SV2B: variants seen among roughly 807,000 people sequenced by gnomAD.
SV2B encodes solute carrier family 22 member B2.
A neutral mutation model predicts 73.9 loss-of-function variants in SV2B; 41 were observed. The ratio of observed to expected loss-of-function variants is 0.56; its 90% confidence interval spans 0.43 to 0.72. The LOEUF is 0.72. Among genes scored for constraint, SV2B ranks in the 30% least tolerant of loss-of-function variants. SV2B has a pLI of 0.00. For synonymous variants in SV2B, 314 were observed against 314.2 expected (o/e 1.00, Z 0.01); for missense variants, 764 against 857.8 (o/e 0.89, Z 1.37).
In SV2B at chr15:91,252,592, C is replaced by A. The variant is rs940136505; in HGVS notation, c.784+72C>A. 3.0e-5 allele frequency: 44 copies of A among 1,474,154 alleles called. No homozygotes were observed. The highest frequency in any genetic ancestry group is 2.4e-4 in the Middle Eastern group (1 of 4,114). 91.3% of individuals were successfully genotyped at this position (1,474,154 alleles called of 1,614,324 possible). ...CCTGCACCCAAACAATAGTTCCTGT[C>A]CTCAGCCTTATTCCATGTACTCACG... On this transcript the variant is annotated intron_variant, in intron 4 of 12. Coordinates refer to ENST00000394232, the MANE Select transcript of SV2B (RefSeq NM_001323032.3). The surrounding 1 kb of genome is among the most constrained non-coding windows in gnomAD (Gnocchi z 4.6).
chr15:91,202,089 A>C (rs529835431), intron 1 of SV2B, among the ~76,000 whole-genome samples: 1 of 151,992 alleles, frequency 6.6e-6, no homozygotes, highest in Non-Finnish European at 1.5e-5. Flanking sequence ...TCTTTACTCA[A>C]ATGTCACCTA....
At position 91,122,408 on chromosome 15, in the gene SV2B, T is replaced by C. The variant is rs1003659753; in HGVS notation, c.-392+22045T>C. On this transcript the variant is annotated intron_variant, in intron 1 of 12. Coordinates refer to ENST00000394232, the MANE Select transcript of SV2B (RefSeq NM_001323032.3). The surrounding 1 kb of genome is among the most constrained non-coding windows in gnomAD (Gnocchi z 4.3). ...CAGGAATGGCTGGGGTTGATTTCCCTGTCTGAATAATTTTTAATGGCTCAG... is the reference window on the plus strand; with the variant it reads ...CAGGAATGGCTGGGGTTGATTTCCCCGTCTGAATAATTTTTAATGGCTCAG... Among the ~76,000 whole-genome samples, 6 of 152,212 alleles carry C rather than the reference T, an allele frequency of 3.9e-5. No individual in the cohort carries two copies. Among genetic ancestry groups the C allele is most frequent in the Admixed American group, 2.0e-4 (3 of 15,294 alleles).
intron 9 of SV2B, among the ~76,000 whole-genome samples, chr15:91,276,810 T>TATTATTATTATTATC (rs1476796126): frequency 1.3e-5 from 2 of 148,434 alleles, no homozygotes; most frequent in African/African-American, 4.9e-5. Context: ...TTGTTGTTAT[T>TATTATTATTATTATC]ATTATTATTA....
At chr15:91,193,240 C>T (rs2045111686) in intron 1 of SV2B, among the ~76,000 whole-genome samples, 1 of 152,092 alleles carries the variant, frequency 6.6e-6, no homozygotes, top group Non-Finnish European at 1.5e-5. Flanking sequence ...AGACGGCCTG[C>T]TTAGGGGATG....
At chr15:91,154,573 G>C (rs906464585) in intron 1 of SV2B, among the ~76,000 whole-genome samples, 2 of 152,142 alleles carry the variant, frequency 1.3e-5, no homozygotes, top group East Asian at 1.9e-4. Context: ...ATTTAGATAC[G>C]GGGTTTTTGC....
rs2048794547 is a variant in SV2B at position 91,284,515 on chromosome 15, T to C, written c.1708+294T>C. Among the ~76,000 whole-genome samples the C allele has an allele frequency of 6.6e-6, 1 of 152,204 alleles. No homozygotes were observed. The highest frequency in any genetic ancestry group is 2.4e-5 in the African/African-American group (1 of 41,448). ...AGCACTTCAATAAGGGTAGTAATAA[T>C]ATCCACCCTGCCTCTTCATCCGATT... On this transcript the variant is annotated intron_variant, in intron 11 of 12. Coordinates refer to ENST00000394232, the MANE Select transcript of SV2B (RefSeq NM_001323032.3). The surrounding 1 kb of genome is among the most constrained non-coding windows in gnomAD (Gnocchi z 4.5).
chr15:91,226,355 C>T lies in SV2B; in HGVS notation c.92C>T (p.Ala31Val). Residue 31 changes from alanine (A) to valine (V), a missense_variant, in exon 2 of 13, where the codon GCA (alanine) becomes GTA (valine). By Grantham distance (64) the Ala-to-Val change is moderately conservative. Transcript: ENST00000394232. ...RGNESNPEED[A>V]QSDVTEGHDE... Reference sequence around the variant, plus strand: ...AATGAGTCCAACCCAGAAGAAGATGCACAGAGTGATGTCACCGAAGGCCAT... The same window carrying T: ...AATGAGTCCAACCCAGAAGAAGATGTACAGAGTGATGTCACCGAAGGCCAT... 6.2e-7 allele frequency: 1 copy of T among 1,614,128 alleles called. No individual in the cohort carries two copies. Among genetic ancestry groups the T allele is most frequent in the Non-Finnish European group, 8.5e-7 (1 of 1,180,024 alleles).
At chr15:91,161,101 A>G (rs1455177650) in intron 1 of SV2B, among the ~76,000 whole-genome samples, 1 of 152,210 alleles carries the variant, frequency 6.6e-6, no homozygotes, top group Non-Finnish European at 1.5e-5. Flanking sequence ...AAGTTTCTAG[A>G]AAACACCAAA....
At chr15:91,120,425 A>G (rs1330708840) in intron 1 of SV2B, among the ~76,000 whole-genome samples, 1 of 152,162 alleles carries the variant, frequency 6.6e-6, no homozygotes, top group East Asian at 1.9e-4. Context: ...TCTCTCCCCC[A>G]ATATTTGGGA....
Position 91,294,080 on chromosome 15 carries a change from T to C in SV2B, c.*1528T>C, listed in dbSNP as rs926791866. ...TGCACCTGCCCAGGCCGGATGAACA[T>C]CAGCCTGCAAGAACTAGTTGTTTGA... On this transcript the variant is annotated 3_prime_UTR_variant, in exon 13 of 13. Transcript: ENST00000394232. This position sits in a 1 kb window ranked among gnomAD's most constrained non-coding sequence, Gnocchi z 4.1. 6 of 152,208 alleles carry C rather than the reference T, an allele frequency of 3.9e-5. No individual in the cohort carries two copies. Among genetic ancestry groups the C allele is most frequent in the African/African-American group, 2.4e-5 (1 of 41,454 alleles). 9.4% of individuals were successfully genotyped at this position (152,208 alleles called of 1,614,324 possible).
At chr15:91,228,891 C>CA (rs2046469532) in intron 2 of SV2B, among the ~76,000 whole-genome samples, 2 of 152,326 alleles carry the variant, frequency 1.3e-5, no homozygotes, top group Admixed American at 6.5e-5. Context: ...CACACGCTGT[C>CA]ACATGGAATC....
chr15:91,117,536 C>T (rs771086705), intron 1 of SV2B, among the ~76,000 whole-genome samples: 29 of 152,210 alleles, frequency 1.9e-4, no homozygotes, highest in Non-Finnish European at 3.2e-4. Flanking sequence ...CAGGTCTGCT[C>T]CAGGCATCTC....
At chr15:91,179,567 C>A (rs2044465642) in intron 1 of SV2B, among the ~76,000 whole-genome samples, 1 of 152,098 alleles carries the variant, frequency 6.6e-6, no homozygotes, top group South Asian at 2.1e-4. Flanking sequence ...CTCTATGAAT[C>A]TGGGTGCTCC....
intron 1 of SV2B, among the ~76,000 whole-genome samples, chr15:91,155,918 G>T (rs1171630444): frequency 6.6e-6 from 1 of 151,980 alleles, no homozygotes; most frequent in Non-Finnish European, 1.5e-5. Flanking sequence ...CCACTCTGTA[G>T]ACTTACATTT....
chr15:91,267,703 A>G lies in SV2B; in HGVS notation c.1208+60A>G. 2.3e-6 allele frequency: 3 copies of G among 1,320,098 alleles called. No individual in the cohort carries two copies. Among genetic ancestry groups the G allele is most frequent in the African/African-American group, 1.4e-5 (1 of 69,378 alleles). 81.8% of individuals were successfully genotyped at this position (1,320,098 alleles called of 1,614,324 possible). A position where few individuals can be genotyped will look rare whatever the true frequency, so the allele number is the denominator to read the frequency against. Reference sequence around the variant, plus strand: ...TGTGCCTCAGTGGCCTCCTTTACACATTGAGGATTACAGTGAGTTCTGACT... The same window carrying G: ...TGTGCCTCAGTGGCCTCCTTTACACGTTGAGGATTACAGTGAGTTCTGACT... On this transcript the variant is annotated intron_variant, in intron 8 of 12. Transcript: ENST00000394232. This position sits in a 1 kb window ranked among gnomAD's most constrained non-coding sequence, Gnocchi z 4.3.
chr15:91,164,448 C>T (rs2043839141), intron 1 of SV2B, among the ~76,000 whole-genome samples: 1 of 152,166 alleles, frequency 6.6e-6, no homozygotes, highest in Admixed American at 6.5e-5. Context: ...TGTGTCAAAT[C>T]CTTCTTATGC....
chr15:91,130,992 C>T lies in SV2B; in HGVS notation c.-392+30629C>T, dbSNP rs182763122. Among the ~76,000 whole-genome samples, 56 of 151,458 alleles carry T rather than the reference C, an allele frequency of 3.7e-4. 1 individual carries two copies. Among genetic ancestry groups the T allele is most frequent in the Admixed American group, 3.2e-3 (49 of 15,214 alleles). ...GGGGCTGAGAGCAGTCGGGGGTTAG[C>T]CTTAGAAAAGGGTAGCTACGCTGTG... On this transcript the variant is annotated intron_variant, in intron 1 of 12. Coordinates refer to ENST00000394232, the MANE Select transcript of SV2B (RefSeq NM_001323032.3). The surrounding 1 kb of genome is among the most constrained non-coding windows in gnomAD (Gnocchi z 5.6).
At chr15:91,162,270 T>C (rs888038166) in intron 1 of SV2B, among the ~76,000 whole-genome samples, 14 of 152,146 alleles carry the variant, frequency 9.2e-5, no homozygotes, top group African/African-American at 2.9e-4. Flanking sequence ...ATACCACAGA[T>C]ACAGTAAGGC....
intron 1 of SV2B, among the ~76,000 whole-genome samples, chr15:91,112,573 A>G (rs1231716749): frequency 6.6e-6 from 1 of 152,220 alleles, no homozygotes; most frequent in Non-Finnish European, 1.5e-5. Context: ...TCTGTTTGAA[A>G]AAGATGAGAG....
Sources: allele counts gnomAD v4.1 joint callset (sites outside exome capture counted in the v4.1 genomes callset), GRCh38; gene constraint gnomAD v4.1.1; non-coding constraint Gnocchi (gnomAD v3.1); transcripts MANE v1.5; gene names NCBI Gene and HGNC (gene_info 2026-07-23, HGNC 2026-07-21).